POLR2F: variants seen among roughly 807,000 people sequenced by gnomAD.
The protein encoded by POLR2F is RNA polymerase II, I and III subunit F, also known as DNA-directed RNA polymerases I, II, and III subunit RPABC2.
A neutral mutation model predicts 22.7 loss-of-function variants in POLR2F; 12 were observed. The observed-to-expected ratio is 0.53, with a 90% CI of 0.34 to 0.86. The LOEUF (loss-of-function observed/expected upper bound fraction) is 0.86, where lower values mean the gene tolerates loss of function less well. Among genes scored for constraint, POLR2F ranks in the 40% least tolerant of loss-of-function variants. The pLI is 0.02. For synonymous variants in POLR2F, 57 were observed against 66.0 expected, an observed-to-expected ratio of 0.86 and a Z score of 0.66; for missense variants, 126 against 171.5, an observed-to-expected ratio of 0.73 and a Z score of 1.48.
In POLR2F at chr22:38,034,891, G is replaced by C. The variant is rs3026672; in HGVS notation, c.453-6177G>C. 9.0e-3 allele frequency among the ~76,000 whole-genome samples: 1,371 copies of C among 152,176 alleles called. 25 individuals carry two copies. Among genetic ancestry groups the C allele is most frequent in the African/African-American group, 0.032 (1,327 of 41,502 alleles). ...GTGGTGGGAGGTGAGACCTGGGGCC[G>C]TGGCCTAGGACGAGCTGGGGCTTTC... On this transcript the variant is annotated intron_variant, in intron 5 of 5. Coordinates refer to the POLR2F transcript ENST00000407936.
chr22:38,015,187 A>T (rs1404509619), intron 1 of POLR2F, among the ~76,000 whole-genome samples: 2 of 152,180 alleles, frequency 1.3e-5, no homozygotes, highest in African/African-American at 2.4e-5. Flanking sequence ...AGCTGACAGG[A>T]TTTCCTCAAG....
At chr22:38,013,094 TC>T in intron 1 of POLR2F, among the ~76,000 whole-genome samples, 1 of 150,404 alleles carries the variant, frequency 6.6e-6, no homozygotes, top group Non-Finnish European at 1.5e-5. Flanking sequence ...TTCCTTCCCT[TC>T]CTTCCCTTCC....
chr22:37,960,851 C>CT (rs71195075), intron 3 of POLR2F, among the ~76,000 whole-genome samples: 78,999 of 131,496 alleles, frequency 0.6, 23,396 homozygotes, highest in East Asian at 0.72. Context: ...TTTCTTTTTT[C>CT]TTTTTTTTTT....
intron 1 of POLR2F, among the ~76,000 whole-genome samples, chr22:38,001,312 A>G (rs1459342174): frequency 2.0e-5 from 3 of 152,276 alleles, no homozygotes; most frequent in African/African-American, 4.8e-5. Context: ...TGTTGTGAAC[A>G]GAGATCTTTA....
intron 1 of POLR2F, among the ~76,000 whole-genome samples, chr22:38,014,122 CAAAAAAAA>C (rs918824276): frequency 1.7e-5 from 1 of 60,264 alleles, no homozygotes; most frequent in African/African-American, 5.6e-5. Context: ...AACTCTGTCT[CAAAAAAAA>C]AAAAAAAAAA....
intron 1 of POLR2F, among the ~76,000 whole-genome samples, chr22:38,020,566 G>A (rs933151493): frequency 1.3e-5 from 2 of 151,068 alleles, no homozygotes; most frequent in African/African-American, 4.9e-5. Flanking sequence ...CACCATGCCC[G>A]GCCTCTACTA....
At chr22:38,004,939 C>T (rs899425891) in intron 1 of POLR2F, among the ~76,000 whole-genome samples, 3 of 151,818 alleles carry the variant, frequency 2.0e-5, no homozygotes, top group South Asian at 2.1e-4. Flanking sequence ...AGTGAAACTC[C>T]GTCTCAAAAA....
At chr22:37,957,929 G>A (rs1393595420) in intron 2 of POLR2F, among the ~76,000 whole-genome samples, 1 of 152,162 alleles carries the variant, frequency 6.6e-6, no homozygotes, top group Non-Finnish European at 1.5e-5. Context: ...ACTGCCCCCT[G>A]CAGAATATTC....
At chr22:37,993,126 T>G (rs982241740) in intron 1 of POLR2F, among the ~76,000 whole-genome samples, 5 of 152,146 alleles carry the variant, frequency 3.3e-5, no homozygotes, top group East Asian at 1.9e-4. Flanking sequence ...TCCATTGGTG[T>G]TGTCCCTGGA....
rs1355678343 is a variant in POLR2F, at chr22:38,017,082, C to T, written c.121-8787C>T. 6.6e-6 allele frequency among the ~76,000 whole-genome samples: 1 copy of T among 152,160 alleles called. No individual in the cohort carries two copies. Among genetic ancestry groups the T allele is most frequent in the African/African-American group, 2.4e-5 (1 of 41,448 alleles). ...AGCCCTCCTGAGGCAGCTGTGGGGC[C>T]GTGCCTGAGCGGGGCACGTGCCAGG... On this transcript the variant is annotated intron_variant, in intron 1 of 2. Coordinates refer to the POLR2F transcript ENST00000333418. This position sits in a 1 kb window ranked among gnomAD's most constrained non-coding sequence, Gnocchi z 4.1.
At chr22:37,953,899 G>T (rs942088478) in intron 1 of POLR2F, 92 bp downstream of exon 1, 5 of 1,449,308 alleles carry the variant, frequency 3.4e-6, no homozygotes, top group Admixed American at 4.1e-5. Flanking sequence ...GCGTCTAGGG[G>T]CAATGTCTGA....
intron 2 of POLR2F, among the ~76,000 whole-genome samples, chr22:37,957,352 T>C (rs56969128): frequency 0.025 from 3,832 of 152,260 alleles, 161 homozygotes; most frequent in African/African-American, 0.088. Context: ...GAGAGGCCTG[T>C]GGCTTGGACA....
At chr22:37,983,924 C>T (rs1182361047), upstream of POLR2F, 1 of 594,500 alleles carries the variant, frequency 1.7e-6, no homozygotes, top group Non-Finnish European at 2.4e-6. This position sits in a 1 kb window ranked among gnomAD's most constrained non-coding sequence, Gnocchi z 9.5. Flanking sequence ...GAGGGCGGCC[C>T]GAGACAGGAC....
In POLR2F at chr22:37,966,940, A is replaced by G. The variant is rs1931875390; in HGVS notation, c.222-159A>G. ...CTGTGATAGGCCTCTGCCAGGGAAG[A>G]TCTCTGGCAGTGCCCCTACACACCA... On this transcript the variant is annotated intron_variant, in intron 3 of 4. Coordinates refer to ENST00000442738, the MANE Select transcript of POLR2F (RefSeq NM_021974.5). Among the ~76,000 whole-genome samples, 3 of 151,932 alleles carry G rather than the reference A, an allele frequency of 2.0e-5. No individual in the cohort carries two copies. The South Asian group carries it at 6.2e-4, about 32-fold the overall frequency.
chr22:37,976,802 A>ATTAT (rs1386914914), intron 4 of POLR2F, among the ~76,000 whole-genome samples: 1 of 152,198 alleles, frequency 6.6e-6, no homozygotes. Flanking sequence ...GTAGCTGCTC[A>ATTAT]ATTAAGGTTA....
At chr22:37,991,436 A>T (rs773730457) in intron 1 of POLR2F, among the ~76,000 whole-genome samples, 3 of 152,126 alleles carry the variant, frequency 2.0e-5, no homozygotes, top group Non-Finnish European at 2.9e-5. Context: ...TTTAAAACAA[A>T]TTTTTTTTAA....
chr22:37,964,721 G>A (rs573936330), intron 3 of POLR2F, among the ~76,000 whole-genome samples: 2 of 152,054 alleles, frequency 1.3e-5, no homozygotes, highest in African/African-American at 2.4e-5. Context: ...ACAGGCACAC[G>A]CCACCATGCC....
downstream of POLR2F, among the ~76,000 whole-genome samples, chr22:37,970,093 A>G (rs973641294): frequency 1.3e-5 from 2 of 152,042 alleles, no homozygotes; most frequent in African/African-American, 2.4e-5. Flanking sequence ...GGAGATCAAG[A>G]CCATCCTGGC....
chr22:38,011,289 G>T (rs2084869821), intron 1 of POLR2F, among the ~76,000 whole-genome samples: 1 of 151,282 alleles, frequency 6.6e-6, no homozygotes, highest in Non-Finnish European at 1.5e-5. Context: ...TTTTTTTGTA[G>T]AGGCAAGGTT....
Sources: allele counts gnomAD v4.1 joint callset (sites outside exome capture counted in the v4.1 genomes callset), GRCh38; gene constraint gnomAD v4.1.1; non-coding constraint Gnocchi (gnomAD v3.1); transcripts MANE v1.5; gene names NCBI Gene and HGNC (gene_info 2026-07-23, HGNC 2026-07-21).